PPARGC1A: variants seen among roughly 807,000 people sequenced by gnomAD.
PPARGC1A encodes the protein peroxisome proliferator-activated receptor gamma coactivator 1-alpha.
In PPARGC1A, 25 loss-of-function variants were observed where a neutral mutation model predicts 88.7. The ratio of observed to expected loss-of-function variants is 0.28; its 90% CI spans 0.21 to 0.39. The LOEUF (loss-of-function observed/expected upper bound fraction) is 0.39, where lower values mean the gene tolerates loss of function less well. Among genes scored for constraint, PPARGC1A ranks in the 10% least tolerant of loss-of-function variants. The probability of loss-of-function intolerance (pLI) is 1.00; values close to 1 mark genes in which losing one functional copy is unlikely to be tolerated. For missense variants in PPARGC1A, 880 were observed against 968.7 expected, an observed-to-expected ratio of 0.91 and a Z score of 1.22; for synonymous variants, 363 against 355.6, an observed-to-expected ratio of 1.02 and a Z score of -0.24.
chr4:23,820,450 T>C (rs1254633573), intron 7 of PPARGC1A: 2 of 224,680 alleles, frequency 8.9e-6, no homozygotes, highest in Non-Finnish European at 1.9e-5. Flanking sequence ...TTCCTTCGTG[T>C]CTGTGGTTTA....
chr4:24,310,988 G>A, the PPARGC1A span, among the ~76,000 whole-genome samples: 3 of 148,752 alleles, frequency 2.0e-5, no homozygotes. Flanking sequence ...CTCTCACAAG[G>A]AAAAGTAAAT....
At chr4:24,076,836 A>G in the PPARGC1A span, among the ~76,000 whole-genome samples, 23 of 152,108 alleles carry the variant, frequency 1.5e-4, no homozygotes, top group Non-Finnish European at 3.4e-4. Flanking sequence ...CATCATCCCA[A>G]TATAGTTACT....
the PPARGC1A span, among the ~76,000 whole-genome samples, chr4:24,177,077 A>G: frequency 0.24 from 37,040 of 151,886 alleles, 7,152 homozygotes; most frequent in African/African-American, 0.54. Context: ...CAGGGATCTA[A>G]AACTAGAAAT....
At chr4:24,377,492 G>A in the PPARGC1A span, among the ~76,000 whole-genome samples, 3 of 152,060 alleles carry the variant, frequency 2.0e-5, no homozygotes, top group African/African-American at 4.8e-5. Context: ...CAACTACGGT[G>A]TGTCAGTTAT....
the PPARGC1A span, among the ~76,000 whole-genome samples, chr4:24,393,047 A>ACACC: frequency 9.8e-6 from 1 of 102,370 alleles, no homozygotes; most frequent in Non-Finnish European, 2.0e-5. Context: ...ACACACACAC[A>ACACC]CCCCTTTTTC....
At chr4:24,128,577 TGTGC>T in the PPARGC1A span, among the ~76,000 whole-genome samples, 119 of 131,062 alleles carry the variant, frequency 9.1e-4, no homozygotes, top group African/African-American at 2.8e-3. Context: ...TGTGTGTGTG[TGTGC>T]ACGCGCATCT....
At chr4:23,875,144 A>G (rs969820560) in intron 2 of PPARGC1A, among the ~76,000 whole-genome samples, 2 of 152,148 alleles carry the variant, frequency 1.3e-5, no homozygotes, top group African/African-American at 4.8e-5. Context: ...ATCCCTCAAT[A>G]GGGAGACCTA....
At chr4:24,129,065 T>C in the PPARGC1A span, among the ~76,000 whole-genome samples, 1 of 152,164 alleles carries the variant, frequency 6.6e-6, no homozygotes, top group Non-Finnish European at 1.5e-5. Context: ...TAAAGATGAC[T>C]CCATATTTTA....
At chr4:24,393,013 G>GCA in the PPARGC1A span, among the ~76,000 whole-genome samples, 308 of 146,086 alleles carry the variant, frequency 2.1e-3, 3 homozygotes, top group African/African-American at 7.0e-3. Flanking sequence ...TGCTCCATCA[G>GCA]CACACACACA....
the PPARGC1A span, among the ~76,000 whole-genome samples, chr4:24,348,179 T>C: frequency 6.6e-5 from 10 of 152,240 alleles, no homozygotes; most frequent in Non-Finnish European, 1.2e-4. Flanking sequence ...AAATCTGCCA[T>C]TAATCTGACA....
the PPARGC1A span, among the ~76,000 whole-genome samples, chr4:24,317,276 C>A: frequency 6.6e-6 from 1 of 151,982 alleles, no homozygotes. Flanking sequence ...ACTCCCTAGG[C>A]AGACATTGAT....
At chr4:24,027,980 T>C in the PPARGC1A span, among the ~76,000 whole-genome samples, 6 of 152,286 alleles carry the variant, frequency 3.9e-5, no homozygotes, top group African/African-American at 1.4e-4. Context: ...CGCTCTGAAA[T>C]AGGTCATATT....
upstream of PPARGC1A, among the ~76,000 whole-genome samples, chr4:23,906,287 C>T (rs1397339568): frequency 6.6e-6 from 1 of 151,984 alleles, no homozygotes; most frequent in African/African-American, 2.4e-5. Flanking sequence ...GAGTAAAACA[C>T]ATATTATGAC....
the PPARGC1A span, among the ~76,000 whole-genome samples, chr4:24,392,983 C>T: frequency 0.16 from 23,935 of 151,226 alleles, 2,363 homozygotes; most frequent in Middle Eastern, 0.27. Context: ...GATGGTACAG[C>T]TCTAAACCCC....
the PPARGC1A span, among the ~76,000 whole-genome samples, chr4:24,340,377 G>A: frequency 6.6e-6 from 1 of 152,084 alleles, no homozygotes; most frequent in Non-Finnish European, 1.5e-5. Flanking sequence ...AATTCTGACT[G>A]GCTATTTCTC....
chr4:24,010,987 C>A, the PPARGC1A span, among the ~76,000 whole-genome samples: 1 of 152,014 alleles, frequency 6.6e-6, no homozygotes, highest in Admixed American at 6.6e-5. Context: ...TGTTCAACTA[C>A]GATAATGAGG....
At chr4:23,854,208 G>C (rs1048883959) in intron 2 of PPARGC1A, among the ~76,000 whole-genome samples, 1 of 152,322 alleles carries the variant, frequency 6.6e-6, no homozygotes, top group Middle Eastern at 3.4e-3. Flanking sequence ...GATACTGAGT[G>C]TTAGTTCTGA....
the PPARGC1A span, among the ~76,000 whole-genome samples, chr4:24,140,261 C>CA: frequency 1.0e-3 from 156 of 152,062 alleles, 2 homozygotes; most frequent in South Asian, 0.03. Context: ...TCTTCGAATG[C>CA]AAAAAACACA....
intron 2 of PPARGC1A, among the ~76,000 whole-genome samples, chr4:23,873,256 G>A (rs1713965270): frequency 6.8e-6 from 1 of 148,046 alleles, no homozygotes. Flanking sequence ...CATATCCCAA[G>A]TGATATGGGA....
Sources: gnomAD v4.1 joint callset for allele counts (sites outside exome capture counted in the v4.1 genomes callset) on GRCh38, gnomAD v4.1.1 for gene constraint, MANE v1.5 for transcripts, NCBI Gene and HGNC (gene_info 2026-07-23, HGNC 2026-07-21) for gene names.